The following PTPRG variants were observed in gnomAD, a reference collection of about 807,000 sequenced individuals.
PTPRG encodes protein tyrosine phosphatase receptor type G.
A neutral mutation model predicts 165.3 loss-of-function variants in PTPRG; 102 were observed. That is an observed-to-expected ratio of 0.62 (90% CI 0.53 to 0.73). The LOEUF (loss-of-function observed/expected upper bound fraction) is 0.73. Ranked by LOEUF, PTPRG falls within the 30% of genes least tolerant of loss-of-function variation. PTPRG has a pLI of 0.00. For synonymous variants in PTPRG, 675 were observed against 669.5 expected (o/e 1.01, Z -0.13); for missense variants, 1,866 against 1,861.4 (o/e 1.00, Z -0.05).
At chr3:61,735,229 T>C (rs144375230) in intron 1 of PTPRG, among the ~76,000 whole-genome samples, 14 of 152,342 alleles carry the variant, frequency 9.2e-5, no homozygotes, top group African/African-American at 3.4e-4. Flanking sequence ...TTAGAATTTT[T>C]TTAATTAAAT....
At chr3:61,740,747 T>TA (rs2032944923) in intron 1 of PTPRG, among the ~76,000 whole-genome samples, 2 of 152,306 alleles carry the variant, frequency 1.3e-5, no homozygotes, top group South Asian at 4.1e-4. Context: ...TTATTTTACT[T>TA]AAAAAACATC....
chr3:61,887,412 C>T (rs1272264953), intron 2 of PTPRG, among the ~76,000 whole-genome samples: 3 of 152,038 alleles, frequency 2.0e-5, no homozygotes, highest in African/African-American at 7.2e-5. Flanking sequence ...TGAAGATTTT[C>T]TCACTTAGAG....
chr3:61,993,294 C>T (rs533728536), intron 3 of PTPRG, among the ~76,000 whole-genome samples: 17 of 151,344 alleles, frequency 1.1e-4, no homozygotes, highest in Non-Finnish European at 2.2e-4. Context: ...CTCAGCTCAC[C>T]GCAACCTCCG....
At chr3:62,138,459 C>T (rs564359000) in intron 6 of PTPRG, among the ~76,000 whole-genome samples, 10 of 152,248 alleles carry the variant, frequency 6.6e-5, no homozygotes, top group Non-Finnish European at 1.3e-4. Flanking sequence ...TGGCTCATGC[C>T]TATAATGTCA....
intron 2 of PTPRG, among the ~76,000 whole-genome samples, chr3:61,982,012 G>A (rs1041381029): frequency 1.3e-5 from 2 of 152,108 alleles, no homozygotes; most frequent in Admixed American, 6.6e-5. Flanking sequence ...TAGAACTCAA[G>A]TTGCCAGTCA....
At chr3:61,715,168 G>C (rs2031749329) in intron 1 of PTPRG, among the ~76,000 whole-genome samples, 1 of 148,146 alleles carries the variant, frequency 6.8e-6, no homozygotes, top group Admixed American at 6.7e-5. Context: ...TCTCCTGCTT[G>C]CTTTTTTTTT....
Position 61,562,033 on chromosome 3 carries a change from A to T in PTPRG, c.-255A>T. ...GCCCGATCGGCTCTCTCCTTTTTAA[A>T]CGGAAAGCAGCCTTTCTCCGCCGAG... On this transcript the variant is annotated 5_prime_UTR_variant, in exon 1 of 30. Transcript: ENST00000474889. The T allele has an allele frequency of 6.5e-6, 3 of 462,404 alleles. No individual in the cohort carries two copies. The highest frequency in any genetic ancestry group is 2.9e-5 in the South Asian group (1 of 34,618). The allele number at this position is 462,404 out of a possible 1,614,324, so 28.6% of individuals were successfully genotyped here.
chr3:62,019,135 G>T (rs568255296), intron 4 of PTPRG, among the ~76,000 whole-genome samples: 1 of 152,094 alleles, frequency 6.6e-6, no homozygotes, highest in African/African-American at 2.4e-5. Flanking sequence ...CATAATTCAG[G>T]GTAGATTTTC....
intron 2 of PTPRG, among the ~76,000 whole-genome samples, chr3:61,781,057 C>T (rs1303288966): frequency 2.0e-5 from 3 of 152,184 alleles, no homozygotes; most frequent in Non-Finnish European, 4.4e-5. Flanking sequence ...TTTCACATGA[C>T]TTGAGAGTAT....
intron 2 of PTPRG, among the ~76,000 whole-genome samples, chr3:61,766,489 G>C (rs891168878): frequency 2.0e-5 from 3 of 151,914 alleles, no homozygotes; most frequent in African/African-American, 7.3e-5. Context: ...ACATTTTCCA[G>C]ATTTCTATCT....
At chr3:62,067,739 A>G (rs1428225205) in intron 4 of PTPRG, among the ~76,000 whole-genome samples, 1 of 152,132 alleles carries the variant, frequency 6.6e-6, no homozygotes, top group East Asian at 1.9e-4. Flanking sequence ...TGAGAATCTA[A>G]TGGCATCCTG....
chr3:61,609,484 C>G (rs760495369), intron 1 of PTPRG, among the ~76,000 whole-genome samples: 3 of 152,192 alleles, frequency 2.0e-5, no homozygotes, highest in Non-Finnish European at 2.9e-5. Flanking sequence ...AAGAGTAGTA[C>G]AAACAGAAAA....
intron 5 of PTPRG, among the ~76,000 whole-genome samples, chr3:62,131,968 T>C (rs1356953688): frequency 6.6e-6 from 1 of 152,154 alleles, no homozygotes; most frequent in Non-Finnish European, 1.5e-5. Flanking sequence ...TTCTGCTGAG[T>C]AGTATCAGAA....
At chr3:62,167,908 A>T in intron 7 of PTPRG, 63 bp from the exon 8 acceptor site, 1 of 1,478,452 alleles carries the variant, frequency 6.8e-7, no homozygotes, top group South Asian at 1.2e-5. Context: ...TAGCTTTTCT[A>T]ATTGATGTGT....
intron 1 of PTPRG, among the ~76,000 whole-genome samples, chr3:61,718,233 A>G (rs1034722903): frequency 5.3e-5 from 8 of 150,160 alleles, no homozygotes; most frequent in African/African-American, 1.9e-4. Context: ...AAAAAAACGC[A>G]GACTCAGAGA....
At chr3:61,670,655 A>C (rs201283034) in intron 1 of PTPRG, among the ~76,000 whole-genome samples, 1 of 152,130 alleles carries the variant, frequency 6.6e-6, no homozygotes, top group East Asian at 1.9e-4. Context: ...GGGACCAGCT[A>C]TGGGAGGCAG....
chr3:61,735,862 G>C (rs1405679161), intron 1 of PTPRG, among the ~76,000 whole-genome samples: 1 of 151,714 alleles, frequency 6.6e-6, no homozygotes, highest in African/African-American at 2.4e-5. Flanking sequence ...TGTTTTGGGA[G>C]GCAGAGTTGA....
intron 2 of PTPRG, among the ~76,000 whole-genome samples, chr3:61,935,951 C>T (rs189395518): frequency 5.3e-5 from 8 of 152,072 alleles, no homozygotes; most frequent in Admixed American, 5.2e-4. Context: ...AAGGTGTGGC[C>T]TTGGATGGTG....
At chr3:61,784,210 G>A (rs1286190453) in intron 2 of PTPRG, among the ~76,000 whole-genome samples, 1 of 152,176 alleles carries the variant, frequency 6.6e-6, no homozygotes, top group Non-Finnish European at 1.5e-5. Context: ...ACACTCACAG[G>A]AGCCTGCCAT....
Sources: allele counts gnomAD v4.1 joint callset (sites outside exome capture counted in the v4.1 genomes callset), GRCh38; gene constraint gnomAD v4.1.1; transcripts MANE v1.5; gene names NCBI Gene and HGNC (gene_info 2026-07-23, HGNC 2026-07-21).